Variants in TYW1 observed in about 807,000 individuals in gnomAD.
TYW1 encodes the protein tRNA-yW synthesizing protein 1 homolog.
TYW1 carries 46 observed loss-of-function variants against 96.2 expected under a neutral mutation model. That is an observed-to-expected ratio of 0.48 (90% CI 0.38 to 0.61). The LOEUF (loss-of-function observed/expected upper bound fraction) is 0.61. Among genes scored for constraint, TYW1 ranks in the 20% least tolerant of loss-of-function variants. TYW1 has a pLI of 0.00. For synonymous variants in TYW1, 274 were observed against 323.0 expected, an observed-to-expected ratio of 0.85 and a Z score of 1.63; for missense variants, 684 against 909.6, an observed-to-expected ratio of 0.75 and a Z score of 3.19.
intron 13 of TYW1, among the ~76,000 whole-genome samples, chr7:67,163,668 A>ATTT (rs3980764): frequency 0.22 from 30,288 of 140,674 alleles, 3,387 homozygotes; most frequent in South Asian, 0.27. Flanking sequence ...AAGCAGGAGA[A>ATTT]TTTTTTTTTT....
intron 5 of TYW1, among the ~76,000 whole-genome samples, chr7:67,016,062 C>T (rs752677561): frequency 2.8e-4 from 43 of 151,738 alleles, no homozygotes; most frequent in African/African-American, 8.4e-4. Flanking sequence ...TTAGTTTTCC[C>T]GGGCTATTTT....
chr7:67,222,866 C>CTTTT (rs570972265), intron 15 of TYW1, among the ~76,000 whole-genome samples: 1 of 109,626 alleles, frequency 9.1e-6, no homozygotes, highest in African/African-American at 3.6e-5. Flanking sequence ...CGCTTTTTTT[C>CTTTT]TTTTTTTTTT....
intron 13 of TYW1, among the ~76,000 whole-genome samples, chr7:67,176,861 T>C (rs954348415): frequency 2.6e-5 from 4 of 151,994 alleles, no homozygotes; most frequent in Non-Finnish European, 5.9e-5. Context: ...GACTGTCCCG[T>C]GCATTGTAGG....
intron 8 of TYW1, among the ~76,000 whole-genome samples, chr7:67,052,669 T>C (rs1584504714): frequency 6.6e-6 from 1 of 152,336 alleles, no homozygotes; most frequent in East Asian, 1.9e-4. Flanking sequence ...GCATACTTCA[T>C]ATCTTTGATT....
intron 3 of TYW1, among the ~76,000 whole-genome samples, 196 bp from the exon 4 acceptor site, chr7:67,009,387 A>G (rs1275233387): frequency 1.3e-5 from 2 of 152,202 alleles, no homozygotes; most frequent in East Asian, 3.8e-4. Context: ...GGTGAGAACA[A>G]CACAAATGAA....
intron 5 of TYW1, among the ~76,000 whole-genome samples, chr7:67,015,437 G>A (rs1224536215): frequency 6.6e-6 from 1 of 152,062 alleles, no homozygotes; most frequent in Non-Finnish European, 1.5e-5. Flanking sequence ...TCTGAACCTT[G>A]AAGTCCTAGG....
chr7:67,037,229 C>T (rs1003756240), intron 7 of TYW1, among the ~76,000 whole-genome samples: 8 of 152,032 alleles, frequency 5.3e-5, no homozygotes, highest in Admixed American at 2.0e-4. Flanking sequence ...TACTCCTAGC[C>T]GGGCGCAGTG....
chr7:67,065,723 TA>T (rs146417896), intron 9 of TYW1, among the ~76,000 whole-genome samples: 4,346 of 152,058 alleles, frequency 0.029, 186 homozygotes, highest in African/African-American at 0.099. Context: ...GACATTTATG[TA>T]ATATTCTTTC....
chr7:67,201,111 T>C (rs1409453555), intron 15 of TYW1, among the ~76,000 whole-genome samples: 4 of 151,574 alleles, frequency 2.6e-5, no homozygotes, highest in African/African-American at 7.3e-5. Context: ...TCAGAAAAAA[T>C]TGTCTGGCAG....
At chr7:67,203,284 T>C (rs1800662381) in intron 15 of TYW1, among the ~76,000 whole-genome samples, 1 of 152,252 alleles carries the variant, frequency 6.6e-6, no homozygotes, top group South Asian at 2.1e-4. Flanking sequence ...GCATGGTATA[T>C]GTTTTTCTGT....
rs1459043787 is a variant in TYW1, at chr7:67,117,535, G to A, written c.1615G>A (p.Asp539Asn). ...TGTCAGTGTGGATGCCAGTACCAAA[G>A]ACAGCCTGAAGAAAATCGACCGCCC... Reference protein sequence around the residue: ...LYVSVDASTKDSLKKIDRPLF... With the variant: ...LYVSVDASTKNSLKKIDRPLF... Residue 539 changes from aspartate to asparagine, a missense_variant, in exon 13 of 16, where the codon GAC becomes AAC. Transcript: ENST00000359626. 2.5e-6 allele frequency: 4 copies of A among 1,613,622 alleles called. No individual in the cohort carries two copies. Among genetic ancestry groups the A allele is most frequent in the Non-Finnish European group, 3.4e-6 (4 of 1,179,928 alleles).
chr7:67,116,400 G>A (rs1038454168), intron 12 of TYW1, among the ~76,000 whole-genome samples: 2 of 151,910 alleles, frequency 1.3e-5, no homozygotes, highest in Non-Finnish European at 2.9e-5. Context: ...AAGAAATCTA[G>A]TAGGGTCGGG....
At chr7:67,023,495 C>T (rs1263714696) in intron 6 of TYW1, among the ~76,000 whole-genome samples, 5 of 151,992 alleles carry the variant, frequency 3.3e-5, no homozygotes, top group Admixed American at 2.0e-4. Context: ...CAGCTGGGCA[C>T]GGTGGCTCAC....
intron 11 of TYW1, among the ~76,000 whole-genome samples, chr7:67,086,328 C>G (rs1327361221): frequency 6.6e-6 from 1 of 152,130 alleles, no homozygotes; most frequent in Non-Finnish European, 1.5e-5. Context: ...TGTTGATCTT[C>G]AAGTAAGCTA....
intron 12 of TYW1, among the ~76,000 whole-genome samples, chr7:67,103,048 G>T (rs568912040): frequency 7.8e-4 from 119 of 152,148 alleles, no homozygotes; most frequent in Non-Finnish European, 1.5e-3. Context: ...TTTAGGGTAT[G>T]TCCTTCCCTG....
At chr7:67,005,272 G>A (rs1333058593) in intron 3 of TYW1, among the ~76,000 whole-genome samples, 1 of 152,068 alleles carries the variant, frequency 6.6e-6, no homozygotes, top group Non-Finnish European at 1.5e-5. Flanking sequence ...ATATCTCACT[G>A]GGGTTCTCTG....
rs190727570 is a variant in TYW1 at position 67,238,836 on chromosome 7, A to T, written c.*307A>T. ...CTGATGGTTTTGTATTATAACTTGT[A>T]AGACCTGCCAGAATGCTAGTCCCGA... On this transcript the variant is annotated 3_prime_UTR_variant, in exon 16 of 16. Transcript: ENST00000359626. 5.2e-6 allele frequency: 6 copies of T among 1,162,140 alleles called. No individual in the cohort carries two copies. In the Admixed American group the frequency reaches 2.5e-4, roughly 49 times the overall value. 72.0% of individuals were successfully genotyped at this position (1,162,140 alleles called of 1,614,324 possible). A position where few individuals can be genotyped will look rare whatever the true frequency, so the allele number is the denominator to read the frequency against.
intron 5 of TYW1, among the ~76,000 whole-genome samples, chr7:67,015,738 G>A (rs1387102441): frequency 6.6e-6 from 1 of 152,138 alleles, no homozygotes; most frequent in East Asian, 1.9e-4. Flanking sequence ...TGAGGCAGGC[G>A]GATCACGAGG....
chr7:67,157,770 A>G (rs1175204083), intron 13 of TYW1, among the ~76,000 whole-genome samples: 1 of 152,158 alleles, frequency 6.6e-6, no homozygotes, highest in Non-Finnish European at 1.5e-5. Context: ...TGATACCTTG[A>G]AAGTTTTGAG....
Sources: allele counts gnomAD v4.1 joint callset (sites outside exome capture counted in the v4.1 genomes callset), GRCh38; gene constraint gnomAD v4.1.1; transcripts MANE v1.5; gene names NCBI Gene and HGNC (gene_info 2026-07-23, HGNC 2026-07-21).